The following ATP8A2 variants were observed in gnomAD, a reference collection of about 807,000 sequenced individuals.
ATP8A2 encodes the protein phospholipid-transporting ATPase IB.
ATP8A2 carries 100 observed loss-of-function variants against 165.6 expected under a neutral mutation model. That is an observed-to-expected ratio of 0.60 (90% CI 0.51 to 0.71). ATP8A2 has a LOEUF of 0.71. ATP8A2 is among the 30% of genes least tolerant of loss of function. The probability of loss-of-function intolerance (pLI) is 0.00; values close to 1 mark genes in which losing one functional copy is unlikely to be tolerated. For missense variants in ATP8A2, 1,227 were observed against 1,479.5 expected (o/e 0.83, Z 2.80); for synonymous variants, 543 against 548.8 (o/e 0.99, Z 0.15).
In ATP8A2 at chr13:25,468,957, C is replaced by T. The variant is rs1432230568; in HGVS notation, c.77-20C>T. ...TGACTTCTTTGTGTCGTATTCTCTG[C>T]CTGCGCCCTGTCTCTGCAGGACCTG... On this transcript the variant is annotated intron_variant, in intron 1 of 36. Coordinates refer to ENST00000381655, the MANE Select transcript of ATP8A2 (RefSeq NM_016529.6). 2 of 1,613,090 alleles carry T rather than the reference C, an allele frequency of 1.2e-6. No homozygotes were observed. Among genetic ancestry groups the T allele is most frequent in the South Asian group, 1.1e-5 (1 of 91,036 alleles).
chr13:25,863,772 G>C (rs950887608), intron 33 of ATP8A2: 4 of 152,260 alleles, frequency 2.6e-5, no homozygotes, highest in Non-Finnish European at 5.9e-5. Context: ...CCTCCACTGA[G>C]TGTGGGTGCT....
intron 24 of ATP8A2, among the ~76,000 whole-genome samples, chr13:25,616,326 C>CTTTTTTTTTTTTTTT (rs535891442): frequency 1.9e-5 from 2 of 106,754 alleles, no homozygotes; most frequent in Non-Finnish European, 3.7e-5. Context: ...TTCTTTCTTT[C>CTTTTTTTTTTTTTTT]TTTTTTTTTT....
chr13:25,999,201 T>C (rs1159624873), intron 35 of ATP8A2, among the ~76,000 whole-genome samples: 2 of 152,160 alleles, frequency 1.3e-5, no homozygotes, highest in African/African-American at 4.8e-5. Flanking sequence ...TAACAAAAAG[T>C]GTAAGACTTG....
At chr13:25,889,717 GA>G (rs1461767675) in intron 33 of ATP8A2, among the ~76,000 whole-genome samples, 5 of 151,838 alleles carry the variant, frequency 3.3e-5, no homozygotes, top group Non-Finnish European at 7.4e-5. Flanking sequence ...TTTTGCTTCT[GA>G]AGCATAATTC....
rs190968626 is a variant in ATP8A2, at chr13:25,682,100, T to A, written c.2212-17073T>A. Among the ~76,000 whole-genome samples the A allele has an allele frequency of 5.3e-5, 8 of 152,054 alleles. No individual in the cohort carries two copies. In the South Asian group the frequency reaches 8.3e-4, roughly 16 times the overall value. On this transcript the variant is annotated intron_variant, in intron 24 of 36. Transcript: ENST00000381655. The stretch of plus-strand genomic sequence containing the variant: ...ACTATAGTGGAAGAAAAGCAAAATT[T>A]AAAAAAAACACACCAAAAACCCCGT...
intron 25 of ATP8A2, among the ~76,000 whole-genome samples, chr13:25,737,979 C>T (rs557482154): frequency 7.2e-5 from 11 of 152,248 alleles, no homozygotes; most frequent in Non-Finnish European, 1.2e-4. Flanking sequence ...CCATCACACC[C>T]AGCCAAACTA....
chr13:25,672,082 C>A (rs189881476), intron 24 of ATP8A2, among the ~76,000 whole-genome samples: 2 of 152,298 alleles, frequency 1.3e-5, no homozygotes, highest in South Asian at 4.1e-4. Flanking sequence ...AATAGAGCAG[C>A]GTACTATTTT....
intron 1 of ATP8A2, among the ~76,000 whole-genome samples, chr13:25,374,405 T>C (rs2032540481): frequency 6.6e-6 from 1 of 152,126 alleles, no homozygotes; most frequent in African/African-American, 2.4e-5. Flanking sequence ...GAAAACTCTT[T>C]TGAGTGAATA....
chr13:25,893,834 C>A (rs1953454434), intron 33 of ATP8A2, among the ~76,000 whole-genome samples: 1 of 152,100 alleles, frequency 6.6e-6, no homozygotes. Context: ...TGTTTTTTGG[C>A]TGCATAAATG....
At chr13:26,005,221 C>G (rs1566345387) in intron 35 of ATP8A2, among the ~76,000 whole-genome samples, 1 of 151,928 alleles carries the variant, frequency 6.6e-6, no homozygotes, top group East Asian at 1.9e-4. Flanking sequence ...TCTAGATTAT[C>G]CAATTTGTTG....
At chr13:25,759,019 G>T (rs1334844647) in intron 25 of ATP8A2, among the ~76,000 whole-genome samples, 1 of 150,582 alleles carries the variant, frequency 6.6e-6, no homozygotes, top group African/African-American at 2.5e-5. Flanking sequence ...AGGAAGGGGG[G>T]AGAGAGAGAA....
At chr13:25,701,328 A>C (rs2042946762) in intron 25 of ATP8A2, among the ~76,000 whole-genome samples, 1 of 152,192 alleles carries the variant, frequency 6.6e-6, no homozygotes, top group African/African-American at 2.4e-5. Flanking sequence ...GGAAAACAGG[A>C]TGGAAAGAAT....
intron 16 of ATP8A2, among the ~76,000 whole-genome samples, chr13:25,564,733 C>T (rs532636308): frequency 6.6e-6 from 1 of 151,980 alleles, no homozygotes; most frequent in African/African-American, 2.4e-5. Context: ...TATTGAGGAA[C>T]AGGTGGTATT....
At chr13:25,870,166 G>A (rs896376575) in intron 33 of ATP8A2, among the ~76,000 whole-genome samples, 1 of 152,128 alleles carries the variant, frequency 6.6e-6, no homozygotes, top group Non-Finnish European at 1.5e-5. Context: ...GTGGCCTGAC[G>A]GCGCGCGGGT....
intron 30 of ATP8A2, among the ~76,000 whole-genome samples, chr13:25,858,782 T>TA (rs1952245539): frequency 6.6e-6 from 1 of 152,000 alleles, no homozygotes; most frequent in South Asian, 2.1e-4. Flanking sequence ...AAAAAAAGAA[T>TA]AAAACCAAAT....
At chr13:26,014,257 G>T (rs773962876) in intron 36 of ATP8A2, among the ~76,000 whole-genome samples, 8 of 152,314 alleles carry the variant, frequency 5.3e-5, no homozygotes, top group Admixed American at 1.3e-4. Flanking sequence ...GTTCAGTGTA[G>T]GTCCTGCCAC....
intron 10 of ATP8A2, among the ~76,000 whole-genome samples, chr13:25,546,359 T>C (rs1375989353): frequency 6.6e-6 from 1 of 152,180 alleles, no homozygotes; most frequent in African/African-American, 2.4e-5. Flanking sequence ...CTGCTGTGCC[T>C]TTAGGGCTGA....
intron 28 of ATP8A2, among the ~76,000 whole-genome samples, chr13:25,829,704 ATATATATATATATAT>A (rs1371245805): frequency 2.9e-5 from 3 of 101,864 alleles, no homozygotes; most frequent in African/African-American, 4.0e-5. Flanking sequence ...ATATATATAT[ATATATATATATATAT>A]ATCACCTGCT....
chr13:25,865,161 T>A (rs543859358), intron 33 of ATP8A2, among the ~76,000 whole-genome samples: 7 of 152,176 alleles, frequency 4.6e-5, no homozygotes, highest in Non-Finnish European at 8.8e-5. Flanking sequence ...GTAAAAGGAA[T>A]TGGCTCTTTT....
Sources: gnomAD v4.1 joint callset for allele counts (sites outside exome capture counted in the v4.1 genomes callset) on GRCh38, gnomAD v4.1.1 for gene constraint, MANE v1.5 for transcripts, NCBI Gene and HGNC (gene_info 2026-07-23, HGNC 2026-07-21) for gene names.